Variants in GFI1B observed in about 807,000 individuals in gnomAD.
GFI1B encodes the protein zinc finger protein Gfi-1b.
In GFI1B, 20 loss-of-function variants were observed where a neutral mutation model predicts 35.3. That is an observed-to-expected ratio of 0.57 (90% CI 0.40 to 0.82). The LOEUF is 0.82. Among genes scored for constraint, GFI1B ranks in the 40% least tolerant of loss-of-function variants. The probability of loss-of-function intolerance (pLI) is 0.00; values close to 1 mark genes in which losing one functional copy is unlikely to be tolerated. For missense variants in GFI1B, 430 were observed against 446.3 expected (o/e 0.96, Z 0.33); for synonymous variants, 178 against 177.6 (o/e 1.00, Z -0.02).
chr9:132,952,487 A>G (rs556593633), intron 1 of GFI1B: 1 of 151,262 alleles, frequency 6.6e-6, no homozygotes, highest in South Asian at 2.1e-4. Context: ...CAAATATTTT[A>G]TAGAGGTGAG....
chr9:132,948,221 T>C (rs1218751071), intron 1 of GFI1B, among the ~76,000 whole-genome samples: 1 of 152,156 alleles, frequency 6.6e-6, no homozygotes, highest in Non-Finnish European at 1.5e-5. Context: ...ATTTTTCTCT[T>C]TCCTTTGGGG....
chr9:132,964,867 G>C (rs2132601477), intron 1 of GFI1B, among the ~76,000 whole-genome samples: 1 of 148,210 alleles, frequency 6.7e-6, no homozygotes, highest in African/African-American at 2.5e-5. Context: ...AGCCTTCCGT[G>C]TAGCTGGGAT....
chr9:132,954,110 G>A (rs547113693), intron 1 of GFI1B, among the ~76,000 whole-genome samples: 1 of 151,930 alleles, frequency 6.6e-6, no homozygotes, highest in Non-Finnish European at 1.5e-5. Context: ...TCAATTTTTT[G>A]TGTGTGTATT....
At chr9:132,945,570 G>A (rs1848057789) in exon 1 of GFI1B, 1 of 154,106 alleles carries the variant, frequency 6.5e-6, no homozygotes, top group Non-Finnish European at 1.5e-5. Context: ...GAGTATGATG[G>A]GCTCCATCCA....
intron 1 of GFI1B, among the ~76,000 whole-genome samples, chr9:132,946,203 A>T (rs1395679015): frequency 6.6e-6 from 1 of 152,136 alleles, no homozygotes; most frequent in Admixed American, 6.5e-5. Context: ...CTGTTCTAAC[A>T]CAGTCGCTGG....
upstream of GFI1B, chr9:132,976,445 T>C (rs556909478): frequency 1.3e-5 from 2 of 152,308 alleles, no homozygotes; most frequent in East Asian, 3.9e-4. Context: ...TTGTTGGCAA[T>C]GTACAACACC....
intron 1 of GFI1B, among the ~76,000 whole-genome samples, chr9:132,959,564 C>A (rs1014532183): frequency 7.9e-5 from 12 of 152,312 alleles, no homozygotes; most frequent in Admixed American, 6.5e-4. Flanking sequence ...ACTGTTGATG[C>A]CTGCTATATT....
intron 1 of GFI1B, among the ~76,000 whole-genome samples, chr9:132,958,200 C>T (rs1429687272): frequency 5.3e-5 from 8 of 151,996 alleles, no homozygotes; most frequent in Admixed American, 5.2e-4. Context: ...AAACAGGATG[C>T]AGTACTCCAG....
chr9:132,959,679 TGTCA>T (rs1161802060), intron 1 of GFI1B, among the ~76,000 whole-genome samples: 1 of 152,160 alleles, frequency 6.6e-6, no homozygotes, highest in South Asian at 2.1e-4. Context: ...AAACCCAAGG[TGTCA>T]GTCAGCAGGG....
intron 1 of GFI1B, among the ~76,000 whole-genome samples, chr9:132,980,922 A>G (rs779858871): frequency 7.2e-6 from 1 of 138,552 alleles, no homozygotes; most frequent in Non-Finnish European, 1.5e-5. Context: ...TTTGTTTGAG[A>G]CAGAGTCTCT....
At position 132,946,414 on chromosome 9, in the gene GFI1B, T is replaced by C. The variant is rs1185693162; in HGVS notation, c.-701+745T>C. ...AGCCTACTCCAGTTAATGTTATTTT[T>C]GATAACTGTTAAGTGCCAGCTGTCA... On this transcript the variant is annotated intron_variant, in intron 1 of 10. Transcript: ENST00000339463. 2.0e-5 allele frequency among the ~76,000 whole-genome samples: 3 copies of C among 152,164 alleles called. No individual in the cohort carries two copies. The East Asian group carries it at 5.8e-4, about 29-fold the overall frequency.
intron 1 of GFI1B, among the ~76,000 whole-genome samples, chr9:132,964,374 C>T (rs1027991596): frequency 1.2e-4 from 18 of 152,280 alleles, no homozygotes; most frequent in African/African-American, 2.4e-4. Flanking sequence ...TATAACAAAA[C>T]GGCTCTTGGA....
chr9:132,954,576 A>G (rs1337680006), intron 1 of GFI1B, among the ~76,000 whole-genome samples: 1 of 142,422 alleles, frequency 7.0e-6, no homozygotes, highest in Non-Finnish European at 1.5e-5. Context: ...CTCTGTCTCA[A>G]AAAAAAAAAA....
In GFI1B at chr9:132,988,449, A is replaced by G. The variant is rs779785796; in HGVS notation, c.491A>G (p.His164Arg). 2.5e-6 allele frequency: 4 copies of G among 1,613,808 alleles called. No individual in the cohort carries two copies. Among genetic ancestry groups the G allele is most frequent in the Non-Finnish European group, 3.4e-6 (4 of 1,180,004 alleles). ...LRYSPGMDAY[H>R]CVKCNKVFST... ...TACTCCCCAGGCATGGATGCGTACC[A>G]CTGTGTGAAGTGCAACAAGGTGGGC... The change falls in exon 4 of 7, where the codon CAC (histidine) becomes CGC (arginine). Residue 164 changes from histidine to arginine, a missense_variant. Coordinates refer to ENST00000372122, the MANE Select transcript of GFI1B (RefSeq NM_001377304.1).
Position 132,989,194 on chromosome 9 carries a change from C to G in GFI1B, c.644C>G (p.Ser215Cys). ...CTGGAGCAGCACACGCACGTCCACT[C>G]CCAGGTGGGCACCTGGCCCAGCGCA... ...VSLEQHTHVH[S>C]QERSFECRMC... The change falls in exon 5 of 7, where the codon TCC becomes TGC. Residue 215 changes from serine (S) to cysteine (C), a missense_variant. Physicochemically the swap from Ser to Cys is moderately radical, Grantham distance 112. Coordinates refer to ENST00000372122, the MANE Select transcript of GFI1B (RefSeq NM_001377304.1). The surrounding 1 kb of genome is among the most constrained non-coding windows in gnomAD (Gnocchi z 6.2). 6.2e-7 allele frequency: 1 copy of G among 1,612,600 alleles called. No individual in the cohort carries two copies. Among genetic ancestry groups the G allele is most frequent in the Non-Finnish European group, 8.5e-7 (1 of 1,179,484 alleles).
At chr9:132,946,804 TGGA>T (rs1848114479) in intron 1 of GFI1B, 1 of 152,368 alleles carries the variant, frequency 6.6e-6, no homozygotes. Flanking sequence ...CATTCTGCCA[TGGA>T]GGAGAGCAGC....
At position 132,956,293 on chromosome 9, in the gene GFI1B, T is replaced by G. The variant is rs73552901; in HGVS notation, c.-701+10624T>G. ...TATCATACCCTTTTCCTCCACCTCCTTTTGTTATTATTTTTTTTTTGGCAA... is the reference window on the plus strand; with the variant it reads ...TATCATACCCTTTTCCTCCACCTCCGTTTGTTATTATTTTTTTTTTGGCAA... On this transcript the variant is annotated intron_variant, in intron 1 of 10. Coordinates refer to the GFI1B transcript ENST00000339463. 2.6e-3 allele frequency among the ~76,000 whole-genome samples: 400 copies of G among 151,298 alleles called. 1 individual carries two copies. The highest frequency in any genetic ancestry group is 8.4e-3 in the African/African-American group (345 of 41,006).
intron 1 of GFI1B, among the ~76,000 whole-genome samples, chr9:132,980,858 A>G (rs2132625057): frequency 6.6e-6 from 1 of 152,248 alleles, no homozygotes; most frequent in African/African-American, 2.4e-5. Flanking sequence ...CTTCCTTTTT[A>G]AGGCCGAATA....
At chr9:132,970,498 A>G (rs935294417) in intron 1 of GFI1B, among the ~76,000 whole-genome samples, 4 of 152,154 alleles carry the variant, frequency 2.6e-5, no homozygotes, top group Non-Finnish European at 4.4e-5. Flanking sequence ...AGTTGCATGC[A>G]TCCATGGCCA....
Sources: gnomAD v4.1 joint callset for allele counts (sites outside exome capture counted in the v4.1 genomes callset) on GRCh38, gnomAD v4.1.1 for gene constraint, Gnocchi (gnomAD v3.1) non-coding constraint, MANE v1.5 for transcripts, NCBI Gene and HGNC (gene_info 2026-07-23, HGNC 2026-07-21) for gene names.